Variants in FHAD1 observed in about 807,000 individuals in gnomAD.
The protein encoded by FHAD1 is forkhead associated phosphopeptide binding domain 1.
FHAD1 carries 146 observed loss-of-function variants against 191.3 expected under a neutral mutation model. The ratio of observed to expected loss-of-function variants is 0.76; its 90% CI spans 0.67 to 0.88. FHAD1 has a LOEUF of 0.88. FHAD1 is among the 40% of genes least tolerant of loss of function. The pLI, the probability that FHAD1 is intolerant of heterozygous loss-of-function variation, is 0.00. For missense variants in FHAD1, 1,635 were observed against 1,785.8 expected, an observed-to-expected ratio of 0.92 and a Z score of 1.52; for synonymous variants, 616 against 672.3, an observed-to-expected ratio of 0.92 and a Z score of 1.29.
At chr1:15,339,068 A>G (rs1198806685) in intron 14 of FHAD1, among the ~76,000 whole-genome samples, 1 of 152,128 alleles carries the variant, frequency 6.6e-6, no homozygotes, top group East Asian at 1.9e-4. Flanking sequence ...CTGAGCGGGA[A>G]TGCAGTGGCA....
At chr1:15,345,559 T>C in intron 18 of FHAD1, 36 bp downstream of exon 18, 2 of 1,502,410 alleles carry the variant, frequency 1.3e-6, no homozygotes, top group South Asian at 1.2e-5. Flanking sequence ...TGAGCCCCAG[T>C]CGGCTTGAGG....
chr1:15,375,509 C>T (rs978071246), intron 27 of FHAD1, 94 bp from the exon 28 acceptor site: 1 of 1,211,248 alleles, frequency 8.3e-7, no homozygotes, highest in Non-Finnish European at 1.1e-6. Context: ...TAAAACAGGC[C>T]TGTGTAAGTG....
At position 15,348,544 on chromosome 1, in the gene FHAD1, T is replaced by C. The variant is rs192527315; in HGVS notation, c.2347-498T>C. On this transcript the variant is annotated intron_variant, in intron 18 of 33. Transcript: ENST00000688493. ...GAACATTGCTTGTCCCTTCTAGAAA[T>C]TGGTGTATCGTGGCTCATTAGTCCA... Among the ~76,000 whole-genome samples, 420 of 152,314 alleles carry C rather than the reference T, an allele frequency of 2.8e-3. 1 individual carries two copies. The highest frequency in any genetic ancestry group is 4.7e-3 in the Non-Finnish European group (319 of 68,024).
intron 28 of FHAD1, among the ~76,000 whole-genome samples, chr1:15,378,580 C>T (rs763965048): frequency 1.8e-4 from 28 of 152,164 alleles, no homozygotes; most frequent in Non-Finnish European, 4.0e-4. Context: ...CACCAAGCTG[C>T]GTTTTAGGTT....
intron 21 of FHAD1, among the ~76,000 whole-genome samples, chr1:15,358,929 G>T (rs1399314586): frequency 1.3e-5 from 2 of 151,994 alleles, no homozygotes; most frequent in African/African-American, 2.4e-5. Flanking sequence ...GAATCATAAG[G>T]AGCTGACCTT....
chr1:15,299,928 G>A (rs1361721775), intron 5 of FHAD1, among the ~76,000 whole-genome samples: 1 of 152,218 alleles, frequency 6.6e-6, no homozygotes, highest in Non-Finnish European at 1.5e-5. Context: ...CAGCAGTTGG[G>A]CTCCATCATG....
intron 7 of FHAD1, among the ~76,000 whole-genome samples, chr1:15,310,686 C>T (rs1465799619): frequency 6.6e-6 from 1 of 152,190 alleles, no homozygotes; most frequent in Non-Finnish European, 1.5e-5. Flanking sequence ...ACAAGCCTCC[C>T]GGCTGCTGCT....
In FHAD1 at chr1:15,312,883, G is replaced by A. The variant is rs1246344950; in HGVS notation, c.1040-174G>A. On this transcript the variant is annotated intron_variant, in intron 7 of 33. Transcript: ENST00000688493. This position sits in a 1 kb window ranked among gnomAD's most constrained non-coding sequence, Gnocchi z 4.7. ...CTGACTGACCTCTCCTTCTCACTGG[G>A]ACCTTGAACAAATGATGTGCAGTGG... 6.6e-6 allele frequency among the ~76,000 whole-genome samples: 1 copy of A among 152,144 alleles called. No homozygotes were observed. The highest frequency in any genetic ancestry group is 1.5e-5 in the Non-Finnish European group (1 of 68,032).
At chr1:15,328,494 A>C in intron 13 of FHAD1, 65 bp downstream of exon 13, 7 of 1,294,290 alleles carry the variant, frequency 5.4e-6, no homozygotes, top group Non-Finnish European at 7.0e-6. Flanking sequence ...CTTATTTGGG[A>C]AATTGCCCAG....
chr1:15,264,876 T>G (rs1652759454), intron 2 of FHAD1, among the ~76,000 whole-genome samples: 1 of 152,190 alleles, frequency 6.6e-6, no homozygotes, highest in South Asian at 2.1e-4. Context: ...TGTGTTTTCA[T>G]CATGGAAAGA....
intron 31 of FHAD1, among the ~76,000 whole-genome samples, chr1:15,386,871 T>C (rs1231109102): frequency 6.6e-6 from 1 of 151,878 alleles, no homozygotes; most frequent in African/African-American, 2.4e-5. Context: ...GTTTGTTTGT[T>C]TATTTGTTTG....
Position 15,298,842 on chromosome 1 carries a change from C to T in FHAD1, c.678+2049C>T, listed in dbSNP as rs1000552482. On this transcript the variant is annotated intron_variant, in intron 5 of 33. Transcript: ENST00000688493. ...ATTTATGCCCTGACTTGTCAGGACT[C>T]CTTCAAGTGCAAGTGACAATAAACA... 1.3e-5 allele frequency among the ~76,000 whole-genome samples: 2 copies of T among 152,020 alleles called. 1 individual carries two copies. Among genetic ancestry groups the T allele is most frequent in the South Asian group, 4.1e-4 (2 of 4,820 alleles).
chr1:15,315,546 C>T (rs936262849), intron 8 of FHAD1, among the ~76,000 whole-genome samples: 7 of 138,524 alleles, frequency 5.1e-5, no homozygotes, highest in Non-Finnish European at 1.1e-4. Flanking sequence ...AGTGCAGTGG[C>T]GCGATCTCAG....
intron 3 of FHAD1, among the ~76,000 whole-genome samples, chr1:15,278,281 C>A (rs1179224858): frequency 6.6e-6 from 1 of 152,160 alleles, no homozygotes; most frequent in Non-Finnish European, 1.5e-5. Flanking sequence ...CCACTCATAA[C>A]ACTATGCTAT....
At chr1:15,355,666 T>A (rs1207329888) in intron 20 of FHAD1, among the ~76,000 whole-genome samples, 1 of 152,292 alleles carries the variant, frequency 6.6e-6, no homozygotes, top group Non-Finnish European at 1.5e-5. Context: ...GACAAGCTAC[T>A]CCGTGGCATG....
intron 27 of FHAD1, among the ~76,000 whole-genome samples, chr1:15,374,869 T>TG (rs1699165368): frequency 6.7e-6 from 1 of 148,478 alleles, no homozygotes. Context: ...TGTTTGTTTT[T>TG]TTTTTTTGAG....
intron 2 of FHAD1, among the ~76,000 whole-genome samples, chr1:15,252,945 A>G (rs1374414836): frequency 6.6e-6 from 1 of 152,182 alleles, no homozygotes. Context: ...ATGCCGTGGA[A>G]TCTCTTTATA....
chr1:15,324,540 T>C lies in FHAD1; in HGVS notation c.1454T>C (p.Leu485Ser), dbSNP rs1382037907. 2.6e-6 allele frequency: 4 copies of C among 1,551,508 alleles called. No homozygotes were observed. The highest frequency in any genetic ancestry group is 3.5e-6 in the Non-Finnish European group (4 of 1,146,838). ...AGAGAGAGCGTCATTAAAATCAATT[T>C]GGAGAGGGCAGTAGGTCAGGTAGGC... The part of the protein sequence containing the change: ...GNRESVIKIN[L>S]ERAVGQLEHF... Residue 485 changes from leucine to serine, a missense_variant, in exon 11 of 34, where the codon TTG (leucine) becomes TCG (serine). Physicochemically the swap from Leu to Ser is moderately radical, Grantham distance 145 (BLOSUM62 -2). Coordinates refer to ENST00000688493, the MANE Select transcript of FHAD1 (RefSeq NM_001391957.1).
chr1:15,388,541 G>T, intron 32 of FHAD1: 1 of 288,194 alleles, frequency 3.5e-6, no homozygotes, highest in Non-Finnish European at 6.0e-6. Context: ...AGGGAGGAGT[G>T]AGGAGCTTCA....
Sources: gnomAD v4.1 joint callset for allele counts (sites outside exome capture counted in the v4.1 genomes callset) on GRCh38, gnomAD v4.1.1 for gene constraint, Gnocchi (gnomAD v3.1) non-coding constraint, MANE v1.5 for transcripts, NCBI Gene and HGNC (gene_info 2026-07-23, HGNC 2026-07-21) for gene names.